The following LDLRAD3 variants were observed in gnomAD, a reference collection of about 807,000 sequenced individuals.
LDLRAD3 encodes the protein low-density lipoprotein receptor class A domain-containing protein 3.
Under a neutral mutation model 29.4 loss-of-function variants are expected in LDLRAD3, and 20 were observed. The ratio of observed to expected loss-of-function variants is 0.68; its 90% CI spans 0.48 to 0.99. The LOEUF (loss-of-function observed/expected upper bound fraction) is 0.99, where lower values mean the gene tolerates loss of function less well. LDLRAD3 is among the 50% of genes least tolerant of loss of function. The pLI, the probability that LDLRAD3 is intolerant of heterozygous loss-of-function variation, is 0.00. For synonymous variants in LDLRAD3, 157 were observed against 192.7 expected, an observed-to-expected ratio of 0.81 and a Z score of 1.53; for missense variants, 420 against 454.3, an observed-to-expected ratio of 0.92 and a Z score of 0.69.
rs745874599 is a variant in LDLRAD3, at chr11:35,944,813, G to C, written c.46+669G>C. Among the ~76,000 whole-genome samples, 12 of 152,220 alleles carry C rather than the reference G, an allele frequency of 7.9e-5. No homozygotes were observed. Among genetic ancestry groups the C allele is most frequent in the Non-Finnish European group, 1.8e-4 (12 of 68,030 alleles). ...TTGCCCCGCGATGGGCGCCCTGACCGGCGAGGGGCCCTGGGAGAGGACACG... is the reference window on the plus strand; with the variant it reads ...TTGCCCCGCGATGGGCGCCCTGACCCGCGAGGGGCCCTGGGAGAGGACACG... On this transcript the variant is annotated intron_variant, in intron 1 of 5. Coordinates refer to ENST00000315571, the MANE Select transcript of LDLRAD3 (RefSeq NM_174902.4). The surrounding 1 kb of genome is among the most constrained non-coding windows in gnomAD (Gnocchi z 4.9).
At position 36,049,344 on chromosome 11, in the gene LDLRAD3, C is replaced by T. The variant is rs182705420; in HGVS notation, c.193+13095C>T. Among the ~76,000 whole-genome samples, 96 of 151,366 alleles carry T rather than the reference C, an allele frequency of 6.3e-4. 1 individual carries two copies. The highest frequency in any genetic ancestry group is 2.1e-3 in the African/African-American group (88 of 41,458). ...CATAGCTAGTGTGCAGTTGCCAGAT[C>T]GCTTTTTAAAAAAATCTTGAGACAG... On this transcript the variant is annotated intron_variant, in intron 2 of 5. Coordinates refer to ENST00000315571, the MANE Select transcript of LDLRAD3 (RefSeq NM_174902.4).
At chr11:36,157,264 A>G (rs4756289) in intron 4 of LDLRAD3, among the ~76,000 whole-genome samples, 4 of 151,970 alleles carry the variant, frequency 2.6e-5, no homozygotes, top group Non-Finnish European at 5.9e-5. Context: ...AAACGGGAAC[A>G]TTAATAATTT....
rs551808677 is a variant in LDLRAD3 at position 36,010,913 on chromosome 11, C to G, written c.47-25190C>G. ...CTCTGCTTCCGAGATTCAAGCAATT[C>G]TCCTGCCTCAGCCTCCTGAGTAGCT... On this transcript the variant is annotated intron_variant, in intron 1 of 5. Coordinates refer to ENST00000315571, the MANE Select transcript of LDLRAD3 (RefSeq NM_174902.4). Among the ~76,000 whole-genome samples, 11 of 152,248 alleles carry G rather than the reference C, an allele frequency of 7.2e-5. No individual in the cohort carries two copies. In the East Asian group the frequency reaches 2.1e-3, roughly 29 times the overall value.
At chr11:36,054,817 A>T (rs1417173362) in intron 2 of LDLRAD3, among the ~76,000 whole-genome samples, 1 of 144,122 alleles carries the variant, frequency 6.9e-6, no homozygotes, top group Non-Finnish European at 1.5e-5. Context: ...TGATGTGTGG[A>T]TGGATAGGTG....
At chr11:35,946,220 C>T (rs1851054786) in intron 1 of LDLRAD3, among the ~76,000 whole-genome samples, 1 of 152,186 alleles carries the variant, frequency 6.6e-6, no homozygotes, top group Admixed American at 6.5e-5. Flanking sequence ...AGAGACCCTA[C>T]CCCTCCATCC....
In LDLRAD3 at chr11:36,098,461, G is replaced by C. The variant is rs1048442312; in HGVS notation, c.454G>C (p.Glu152Gln). 6.2e-7 allele frequency: 1 copy of C among 1,614,068 alleles called. No individual in the cohort carries two copies. Among genetic ancestry groups the C allele is most frequent in the African/African-American group, 1.3e-5 (1 of 74,936 alleles). ...TGAGGAAAGCTGTGAAAGTTCTCAA[G>C]GTAGGAACCTCTCAAGCTCTAAAAA... ...SDEESCESSQ[E>Q]PGSGQVFVTS... is the part of the protein sequence containing the mutation. Residue 152 changes from glutamate (E) to glutamine (Q), a missense_variant and splice_region_variant, in exon 4 of 6, where the codon GAA (glutamate) becomes CAA (glutamine). Coordinates refer to ENST00000315571, the MANE Select transcript of LDLRAD3 (RefSeq NM_174902.4).
At chr11:36,060,525 T>C (rs1005480124) in intron 2 of LDLRAD3, among the ~76,000 whole-genome samples, 3 of 148,790 alleles carry the variant, frequency 2.0e-5, no homozygotes, top group Non-Finnish European at 3.0e-5. Flanking sequence ...ATTTGAATGA[T>C]GAATTCACAC....
intron 1 of LDLRAD3, among the ~76,000 whole-genome samples, chr11:35,979,864 C>T (rs1229963093): frequency 1.3e-5 from 2 of 152,190 alleles, no homozygotes; most frequent in Non-Finnish European, 2.9e-5. Flanking sequence ...GCCAGGCTCA[C>T]AACTATTCTA....
intron 1 of LDLRAD3, among the ~76,000 whole-genome samples, chr11:36,014,564 G>T (rs1851996601): frequency 6.6e-6 from 1 of 152,162 alleles, no homozygotes; most frequent in Non-Finnish European, 1.5e-5. Flanking sequence ...TTTCCCGCCT[G>T]CCATGGGGAG....
Position 35,980,364 on chromosome 11 carries a change from A to G in LDLRAD3, c.46+36220A>G, listed in dbSNP as rs200192160. ...TACGGCTTATTGGCTCCTGTTAGGG[A>G]ACCGATCCACTGGTAGATTAGTTAG... On this transcript the variant is annotated intron_variant, in intron 1 of 5. Transcript: ENST00000315571. 1.8e-4 allele frequency among the ~76,000 whole-genome samples: 28 copies of G among 152,202 alleles called. No individual in the cohort carries two copies. In the East Asian group the frequency reaches 5.2e-3, roughly 28 times the overall value.
intron 1 of LDLRAD3, among the ~76,000 whole-genome samples, chr11:35,977,332 C>T (rs1344211143): frequency 6.6e-6 from 1 of 152,168 alleles, no homozygotes; most frequent in Non-Finnish European, 1.5e-5. Context: ...GCTTACATCC[C>T]ATTGGCCAAA....
chr11:36,080,860 A>G (rs1339348465), intron 2 of LDLRAD3, among the ~76,000 whole-genome samples: 1 of 152,218 alleles, frequency 6.6e-6, no homozygotes, highest in African/African-American at 2.4e-5. Context: ...ATGTAACAAC[A>G]TATGTGGAAG....
intron 1 of LDLRAD3, among the ~76,000 whole-genome samples, chr11:35,975,969 A>G (rs949549193): frequency 6.6e-6 from 1 of 151,996 alleles, no homozygotes; most frequent in African/African-American, 2.4e-5. Context: ...GAATGTTCAT[A>G]TAGAAGATAC....
intron 4 of LDLRAD3, among the ~76,000 whole-genome samples, chr11:36,135,571 A>G (rs4756285): frequency 6.6e-6 from 1 of 152,198 alleles, no homozygotes; most frequent in East Asian, 1.9e-4. Flanking sequence ...GAAGTCAAAC[A>G]GATTTCTTTG....
At chr11:36,066,796 G>A (rs374090391) in intron 2 of LDLRAD3, among the ~76,000 whole-genome samples, 2 of 152,132 alleles carry the variant, frequency 1.3e-5, no homozygotes, top group African/African-American at 4.8e-5. Flanking sequence ...GCTGTTGGGG[G>A]GATGAGGAGA....
chr11:36,030,601 G>A lies in LDLRAD3; in HGVS notation c.47-5502G>A, dbSNP rs143937958. On this transcript the variant is annotated intron_variant, in intron 1 of 5. Transcript: ENST00000315571. Reference sequence around the variant, plus strand: ...TCTGGGGAGGTTCTAGACAAGATCCGTTTGAGATCTGCAAAACCAAATGCT... The same window carrying A: ...TCTGGGGAGGTTCTAGACAAGATCCATTTGAGATCTGCAAAACCAAATGCT... Among the ~76,000 whole-genome samples, 612 of 152,312 alleles carry A rather than the reference G, an allele frequency of 4.0e-3. 1 individual carries two copies. Among genetic ancestry groups the A allele is most frequent in the Non-Finnish European group, 6.3e-3 (428 of 68,036 alleles).
chr11:35,964,160 G>A (rs752172183), intron 1 of LDLRAD3, among the ~76,000 whole-genome samples: 1 of 152,146 alleles, frequency 6.6e-6, no homozygotes, highest in Non-Finnish European at 1.5e-5. Context: ...ACTAGAAAGA[G>A]GGCATTGTCT....
chr11:36,132,056 ATT>A lies in LDLRAD3; in HGVS notation c.454+33607_454+33608del, dbSNP rs112706497. ...TGTTTGTCTTTTTAAATCAGCTGGG[ATT>A]TTTTTTTTTTTCCAGCTCTGATCCC... is the stretch of plus-strand genomic sequence containing the variant. On this transcript the variant is annotated intron_variant, in intron 4 of 5. Coordinates refer to ENST00000315571, the MANE Select transcript of LDLRAD3 (RefSeq NM_174902.4). Among the ~76,000 whole-genome samples the A allele has an allele frequency of 1.3e-4, 19 of 146,658 alleles. 1 individual carries two copies. The highest frequency in any genetic ancestry group is 4.5e-4 in the African/African-American group (18 of 40,186).
chr11:35,949,127 T>C (rs1851099222), intron 1 of LDLRAD3, among the ~76,000 whole-genome samples: 1 of 152,208 alleles, frequency 6.6e-6, no homozygotes, highest in African/African-American at 2.4e-5. Flanking sequence ...TTTGGCTTTA[T>C]GTTTTGTAGC....
Sources: gnomAD v4.1 joint callset for allele counts (sites outside exome capture counted in the v4.1 genomes callset) on GRCh38, gnomAD v4.1.1 for gene constraint, Gnocchi (gnomAD v3.1) non-coding constraint, MANE v1.5 for transcripts, NCBI Gene and HGNC (gene_info 2026-07-23, HGNC 2026-07-21) for gene names.